Variants in RPSA2 observed in about 807,000 individuals in gnomAD.
RPSA2 encodes the protein small ribosomal subunit protein uS2B.
At chr19:23,760,818 C>A in the RPSA2 span, among the ~76,000 whole-genome samples, 3 of 151,168 alleles carry the variant, frequency 2.0e-5, no homozygotes, top group Non-Finnish European at 4.4e-5. Context: ...ATGCGTGCCA[C>A]CACACTGGGC....
the RPSA2 span, among the ~76,000 whole-genome samples, chr19:23,829,889 T>C: frequency 1.3e-5 from 2 of 152,182 alleles, no homozygotes; most frequent in African/African-American, 4.8e-5. Flanking sequence ...TTCTACAAAG[T>C]GAATTTGCAT....
At chr19:23,760,123 G>A in the RPSA2 span, among the ~76,000 whole-genome samples, 3 of 152,146 alleles carry the variant, frequency 2.0e-5, no homozygotes, top group East Asian at 1.9e-4. Context: ...CTCTTCCCAG[G>A]AAATGGTTAA....
At chr19:23,784,192 G>C in the RPSA2 span, among the ~76,000 whole-genome samples, 1 of 152,202 alleles carries the variant, frequency 6.6e-6, no homozygotes, top group African/African-American at 2.4e-5. Flanking sequence ...TCTTCTTTCT[G>C]TACAAATGTC....
chr19:23,835,259 G>A, the RPSA2 span, among the ~76,000 whole-genome samples: 1 of 151,912 alleles, frequency 6.6e-6, no homozygotes, highest in African/African-American at 2.4e-5. Flanking sequence ...AGCACATATG[G>A]ACTGTTAGTA....
chr19:23,847,765 A>C, the RPSA2 span, among the ~76,000 whole-genome samples: 1 of 152,156 alleles, frequency 6.6e-6, no homozygotes. Context: ...TACTTATCTC[A>C]AACACATAGG....
the RPSA2 span, chr19:23,782,299 A>G: frequency 6.6e-6 from 1 of 152,196 alleles, no homozygotes; most frequent in African/African-American, 2.4e-5. Flanking sequence ...TCTGCTTAGA[A>G]AAGAGATTAT....
the RPSA2 span, among the ~76,000 whole-genome samples, chr19:23,851,099 C>T: frequency 3.4e-4 from 52 of 152,292 alleles, no homozygotes; most frequent in East Asian, 9.3e-3. Flanking sequence ...TTGCCTTCTC[C>T]TGTTTGGCAA....
chr19:23,868,047 A>C, the RPSA2 span, among the ~76,000 whole-genome samples: 1 of 152,136 alleles, frequency 6.6e-6, no homozygotes, highest in Non-Finnish European at 1.5e-5. Flanking sequence ...CCCGGAATTC[A>C]CCGATGTTTG....
the RPSA2 span, among the ~76,000 whole-genome samples, chr19:23,833,594 T>C: frequency 1.1e-4 from 17 of 152,220 alleles, no homozygotes; most frequent in East Asian, 3.1e-3. Context: ...TGCTCACACG[T>C]TATTGCACAG....
At chr19:23,782,820 G>A in the RPSA2 span, among the ~76,000 whole-genome samples, 1 of 152,104 alleles carries the variant, frequency 6.6e-6, no homozygotes, top group Non-Finnish European at 1.5e-5. Flanking sequence ...CCTAGGCTAT[G>A]TCTCTCCTCT....
At chr19:23,823,518 C>A in the RPSA2 span, among the ~76,000 whole-genome samples, 2 of 152,112 alleles carry the variant, frequency 1.3e-5, no homozygotes, top group Admixed American at 6.5e-5. Context: ...CTCCCAAAAC[C>A]ATCTCTTTCA....
the RPSA2 span, among the ~76,000 whole-genome samples, chr19:23,781,187 C>T: frequency 6.6e-6 from 1 of 152,128 alleles, no homozygotes; most frequent in Non-Finnish European, 1.5e-5. Flanking sequence ...GTTGGCCAGA[C>T]TGGTCTCGAA....
the RPSA2 span, among the ~76,000 whole-genome samples, chr19:23,801,345 TCTC>T: frequency 6.6e-6 from 1 of 152,090 alleles, no homozygotes; most frequent in African/African-American, 2.4e-5. Flanking sequence ...GTCAAGCTAT[TCTC>T]CTGCCTCAGC....
the RPSA2 span, among the ~76,000 whole-genome samples, chr19:23,860,475 C>T: frequency 6.6e-6 from 1 of 152,164 alleles, no homozygotes; most frequent in Admixed American, 6.6e-5. Context: ...TCCCAGTTCT[C>T]CACTTCTTCT....
the RPSA2 span, among the ~76,000 whole-genome samples, chr19:23,848,709 G>A: frequency 1.3e-5 from 2 of 152,112 alleles, no homozygotes; most frequent in Admixed American, 6.5e-5. Flanking sequence ...TGTGATGATC[G>A]AGACTCATTA....
the RPSA2 span, among the ~76,000 whole-genome samples, chr19:23,798,075 C>CA: frequency 0.014 from 2,064 of 151,036 alleles, 24 homozygotes; most frequent in Non-Finnish European, 0.021. Context: ...TTTTTTTACT[C>CA]ACGATTGTCT....
chr19:23,764,102 T>G, the RPSA2 span, among the ~76,000 whole-genome samples: 2 of 152,076 alleles, frequency 1.3e-5, no homozygotes, highest in Non-Finnish European at 2.9e-5. Flanking sequence ...TCGAGTTAGG[T>G]TTTACATTTT....
chr19:23,793,479 AG>A, the RPSA2 span, among the ~76,000 whole-genome samples: 2 of 151,734 alleles, frequency 1.3e-5, no homozygotes, highest in African/African-American at 2.4e-5. Flanking sequence ...GTTTGGAGAC[AG>A]GGTCTCAGTC....
chr19:23,759,522 G>GTTTTTTTTTTTTTTTTT, the RPSA2 span, among the ~76,000 whole-genome samples: 7 of 89,042 alleles, frequency 7.9e-5, no homozygotes, highest in Non-Finnish European at 1.2e-4. Flanking sequence ...TATATATCAG[G>GTTTTTTTTTTTTTTTTT]TTTTTTTTTT....
Sources: allele counts gnomAD v4.1 joint callset (sites outside exome capture counted in the v4.1 genomes callset), GRCh38; gene constraint gnomAD v4.1.1; transcripts MANE v1.5; gene names NCBI Gene and HGNC (gene_info 2026-07-23, HGNC 2026-07-21).